Variants in ZNF69 observed in about 807,000 individuals in gnomAD.
ZNF69 encodes the protein zinc finger protein 69.
Under a neutral mutation model 50.9 loss-of-function variants are expected in ZNF69, and 47 were observed. The ratio of observed to expected loss-of-function variants is 0.92; its 90% confidence interval spans 0.73 to 1.18. ZNF69 has a LOEUF of 1.18. Among genes scored for constraint, ZNF69 ranks in the 50% most tolerant of loss-of-function variants. The pLI, the probability that ZNF69 is intolerant of heterozygous loss-of-function variation, is 0.00. For synonymous variants in ZNF69, 216 were observed against 223.1 expected, an observed-to-expected ratio of 0.97 and a Z score of 0.29; for missense variants, 717 against 675.1, an observed-to-expected ratio of 1.06 and a Z score of -0.69.
At chr19:11,951,043 C>T in the ZNF69 span, among the ~76,000 whole-genome samples, 3 of 147,952 alleles carry the variant, frequency 2.0e-5, no homozygotes, top group African/African-American at 5.0e-5. Flanking sequence ...CCCAGCTTCT[C>T]GGGAGGCTGA....
chr19:11,911,998 A>G (rs1334365608), intron 4 of ZNF69, among the ~76,000 whole-genome samples: 1 of 151,938 alleles, frequency 6.6e-6, no homozygotes, highest in African/African-American at 2.4e-5. Context: ...TTTCCATATC[A>G]TGAAAGGACT....
At chr19:11,891,319 C>T (rs1021218567) in intron 1 of ZNF69, among the ~76,000 whole-genome samples, 4 of 147,744 alleles carry the variant, frequency 2.7e-5, no homozygotes, top group Admixed American at 6.8e-5. Context: ...TCCACGTACT[C>T]GGGAGGCAAG....
the ZNF69 span, chr19:11,965,085 G>C: frequency 7.7e-7 from 1 of 1,297,532 alleles, no homozygotes; most frequent in Non-Finnish European, 1.1e-6. Context: ...GATATCCGCT[G>C]TATCCATCCC....
At chr19:11,977,316 A>T in the ZNF69 span, 2 of 1,605,972 alleles carry the variant, frequency 1.2e-6, no homozygotes, top group Admixed American at 3.5e-5. Flanking sequence ...GAATCTAATA[A>T]TTTTTTCACA....
At chr19:11,974,126 T>TTTTCTTTC in the ZNF69 span, among the ~76,000 whole-genome samples, 237 of 55,026 alleles carry the variant, frequency 4.3e-3, 1 homozygote, top group Middle Eastern at 0.045. Context: ...TCTTTCTTTC[T>TTTTCTTTC]TTTCTTTCTT....
chr19:11,888,993 C>A (rs1261772842), intron 1 of ZNF69, among the ~76,000 whole-genome samples: 1 of 151,972 alleles, frequency 6.6e-6, no homozygotes, highest in Admixed American at 6.5e-5. Context: ...AAACAAAAAA[C>A]AGAAAGGGCG....
chr19:11,920,236 A>G, the ZNF69 span, among the ~76,000 whole-genome samples: 1 of 151,404 alleles, frequency 6.6e-6, no homozygotes, highest in African/African-American at 2.4e-5. Flanking sequence ...CTCTGCCTCC[A>G]GAATAGCCAG....
chr19:11,979,944 A>G, the ZNF69 span: 1 of 1,270,894 alleles, frequency 7.9e-7, no homozygotes, highest in Admixed American at 1.8e-5. Context: ...AAGTCATTTC[A>G]AATACCTGAA....
chr19:11,926,165 G>T, the ZNF69 span, among the ~76,000 whole-genome samples: 1 of 152,136 alleles, frequency 6.6e-6, no homozygotes, highest in Non-Finnish European at 1.5e-5. Flanking sequence ...GAATTCTGAG[G>T]CGTGACTTTA....
intron 1 of ZNF69, among the ~76,000 whole-genome samples, chr19:11,891,251 C>T (rs1421338169): frequency 6.6e-6 from 1 of 151,854 alleles, no homozygotes. Flanking sequence ...CATAGGGAAA[C>T]CCCATCTTTT....
chr19:11,897,871 CAA>C (rs564395635), intron 1 of ZNF69, among the ~76,000 whole-genome samples: 13 of 63,358 alleles, frequency 2.1e-4, no homozygotes, highest in Admixed American at 1.8e-4. Flanking sequence ...GACTCCATCT[CAA>C]AAAAAAAAAA....
At chr19:11,976,500 A>G in the ZNF69 span, among the ~76,000 whole-genome samples, 2,809 of 149,810 alleles carry the variant, frequency 0.019, 35 homozygotes, top group African/African-American at 0.026. Flanking sequence ...AGGTTGTAGT[A>G]AGCCAATATT....
exon 5 of ZNF69, chr19:11,913,823 A>G (rs1972493778): frequency 6.4e-6 from 1 of 155,066 alleles, no homozygotes; most frequent in East Asian, 1.9e-4. Context: ...AAATATGACC[A>G]AAAGCCATAA....
At chr19:11,904,041 A>G in intron 3 of ZNF69, 76 bp downstream of exon 3, 1 of 1,497,500 alleles carries the variant, frequency 6.7e-7, no homozygotes, top group Non-Finnish European at 9.1e-7. Context: ...AAAATAAGTA[A>G]AAGAACTAAG....
chr19:11,932,432 A>G, the ZNF69 span, among the ~76,000 whole-genome samples: 1 of 148,436 alleles, frequency 6.7e-6, no homozygotes, highest in Non-Finnish European at 1.5e-5. Context: ...TTATTTCTGT[A>G]TAGAGTGTGC....
chr19:11,935,163 G>A, the ZNF69 span, among the ~76,000 whole-genome samples: 267 of 130,112 alleles, frequency 2.1e-3, 3 homozygotes, highest in South Asian at 0.013. Flanking sequence ...GCGACAGAGC[G>A]AGACTCCGTC....
At chr19:11,971,957 G>C in the ZNF69 span, among the ~76,000 whole-genome samples, 1 of 151,888 alleles carries the variant, frequency 6.6e-6, no homozygotes, top group Non-Finnish European at 1.5e-5. Context: ...AGCTACTCAG[G>C]AGGATGAGGC....
chr19:11,979,040 G>A, the ZNF69 span: 5 of 1,614,126 alleles, frequency 3.1e-6, no homozygotes, highest in Non-Finnish European at 4.2e-6. Flanking sequence ...AATGTAAGCA[G>A]TGTGGGAAAG....
intron 1 of ZNF69, among the ~76,000 whole-genome samples, chr19:11,888,438 C>G (rs553063639): frequency 1.2e-3 from 186 of 152,328 alleles, no homozygotes; most frequent in African/African-American, 4.3e-3. Context: ...GAATGAGACA[C>G]ACCCAGTCCT....
Sources: allele counts gnomAD v4.1 joint callset (sites outside exome capture counted in the v4.1 genomes callset), GRCh38; gene constraint gnomAD v4.1.1; transcripts MANE v1.5; gene names NCBI Gene and HGNC (gene_info 2026-07-23, HGNC 2026-07-21).